The following SLC16A2 variants were observed in gnomAD, a reference collection of about 807,000 sequenced individuals.
SLC16A2 encodes the protein solute carrier family 16 member 2, also known as monocarboxylate transporter 8.
In SLC16A2, 3 loss-of-function variants were observed where a neutral mutation model predicts 27.2. The ratio of observed to expected loss-of-function variants is 0.11; its 90% CI spans 0.05 to 0.28. The LOEUF (loss-of-function observed/expected upper bound fraction) is 0.28, where lower values mean the gene tolerates loss of function less well. Among genes scored for constraint, SLC16A2 ranks in the 10% least tolerant of loss-of-function variants. The pLI, the probability that SLC16A2 is intolerant of heterozygous loss-of-function variation, is 1.00. For missense variants in SLC16A2, 295 were observed against 458.5 expected (o/e 0.64, Z 3.26); for synonymous variants, 202 against 187.8 (o/e 1.08, Z -0.62).
At chrX:74,453,192 G>A (rs983548587) in intron 1 of SLC16A2, among the ~76,000 whole-genome samples, 1 of 109,504 alleles carries the variant, frequency 9.1e-6, no homozygotes, top group African/African-American at 3.3e-5. Flanking sequence ...CAGGTGCCAC[G>A]CCTGGCTAAT....
At chrX:74,493,561 AG>A (rs761667392) in intron 1 of SLC16A2, among the ~76,000 whole-genome samples, 154 of 112,462 alleles carry the variant, frequency 1.4e-3, no homozygotes, top group African/African-American at 4.8e-3. Context: ...CCACCTAAGA[AG>A]AACCCTGCCC....
chrX:74,477,957 T>C (rs1209111273), intron 1 of SLC16A2, among the ~76,000 whole-genome samples: 1 of 112,141 alleles, frequency 8.9e-6, no homozygotes, highest in Non-Finnish European at 1.9e-5. Context: ...AAAGAACGCA[T>C]ATTCTGTTGA....
At chrX:74,439,355 G>A (rs756230878) in intron 1 of SLC16A2, among the ~76,000 whole-genome samples, 1 of 98,718 alleles carries the variant, frequency 1.0e-5, no homozygotes, top group African/African-American at 3.8e-5. Flanking sequence ...TGTTGCCCAG[G>A]CTGGAGTGCA....
At position 74,529,162 on chromosome X, in the gene SLC16A2, T is replaced by C. The variant is rs1438700040; in HGVS notation, c.1171-51T>C. 4.6e-6 allele frequency: 4 copies of C among 870,993 alleles called. No individual in the cohort carries two copies. In the African/African-American group the frequency reaches 7.9e-5, roughly 17 times the overall value. 71.8% of individuals were successfully genotyped at this position (870,993 alleles called of 1,213,427 possible). On this transcript the variant is annotated intron_variant, in intron 4 of 5. Coordinates refer to ENST00000587091, the MANE Select transcript of SLC16A2 (RefSeq NM_006517.5). ...ACTTGAGAAAGGAGATGTGATGCTA[T>C]GTGGTCTTGGCTGGCCAGCACAACC...
intron 1 of SLC16A2, among the ~76,000 whole-genome samples, chrX:74,509,109 C>T (rs1005952806): frequency 1.8e-5 from 2 of 110,736 alleles, no homozygotes; most frequent in South Asian, 3.9e-4. Context: ...ACTCCAGGTG[C>T]GTGCCACCAG....
At chrX:74,509,856 C>G (rs1008463130) in intron 1 of SLC16A2, among the ~76,000 whole-genome samples, 2 of 112,466 alleles carry the variant, frequency 1.8e-5, no homozygotes, top group Non-Finnish European at 3.8e-5. Context: ...CGTGGGCCAC[C>G]GCTCCCAGCC....
intron 1 of SLC16A2, among the ~76,000 whole-genome samples, chrX:74,449,411 C>G (rs1252456549): frequency 8.9e-6 from 1 of 112,212 alleles, no homozygotes; most frequent in African/African-American, 3.2e-5. Context: ...CTTGAGTCCA[C>G]TCTTGGAAAA....
chrX:74,484,748 C>A (rs1042376065), intron 1 of SLC16A2, among the ~76,000 whole-genome samples: 5 of 111,903 alleles, frequency 4.5e-5, no homozygotes, highest in African/African-American at 1.6e-4. Context: ...GCCAGCAAAT[C>A]TTTATTTTGT....
At chrX:74,511,343 G>A (rs950676140) in intron 1 of SLC16A2, among the ~76,000 whole-genome samples, 21 of 110,459 alleles carry the variant, frequency 1.9e-4, no homozygotes, top group African/African-American at 6.2e-4. Context: ...CACCGTGCCC[G>A]GCTAATTTTT....
chrX:74,465,189 T>C (rs1381482227), intron 1 of SLC16A2, among the ~76,000 whole-genome samples: 1 of 112,404 alleles, frequency 8.9e-6, no homozygotes, highest in Non-Finnish European at 1.9e-5. Flanking sequence ...TTCACTCTTA[T>C]TTTATTTTAC....
intron 1 of SLC16A2, among the ~76,000 whole-genome samples, chrX:74,438,386 T>C (rs1213518116): frequency 8.8e-6 from 1 of 113,287 alleles, no homozygotes; most frequent in African/African-American, 3.2e-5. Flanking sequence ...AGTTTATCTA[T>C]AGACTTGCAC....
intron 1 of SLC16A2, 117 bp downstream of exon 1, chrX:74,422,184 C>T (rs1355243174): frequency 1.5e-5 from 10 of 689,255 alleles, no homozygotes; most frequent in Non-Finnish European, 2.3e-5. Flanking sequence ...CCGACTCCTC[C>T]CCTTACCCCT....
intron 1 of SLC16A2, among the ~76,000 whole-genome samples, chrX:74,443,861 C>T (rs1043694750): frequency 9.0e-6 from 1 of 111,377 alleles, no homozygotes; most frequent in East Asian, 2.9e-4. Flanking sequence ...CTTCCCTGCC[C>T]GCCCCATCAT....
At chrX:74,438,113 C>T (rs1222064255) in intron 1 of SLC16A2, among the ~76,000 whole-genome samples, 1 of 112,418 alleles carries the variant, frequency 8.9e-6, no homozygotes, top group Non-Finnish European at 1.9e-5. Context: ...CTCTCCTTTG[C>T]CTCACTTTTC....
chrX:74,469,026 T>G (rs1450436636), intron 1 of SLC16A2, among the ~76,000 whole-genome samples: 3 of 111,685 alleles, frequency 2.7e-5, no homozygotes, highest in Non-Finnish European at 5.7e-5. Flanking sequence ...CCCTTTACCT[T>G]CATGAGACCA....
At chrX:74,461,429 T>TGC (rs1491024195) in intron 1 of SLC16A2, among the ~76,000 whole-genome samples, 1 of 108,880 alleles carries the variant, frequency 9.2e-6, no homozygotes, top group African/African-American at 3.4e-5. Context: ...TGTGTGTGTG[T>TGC]GCACGCGTGC....
At chrX:74,456,322 T>C (rs1226495634) in intron 1 of SLC16A2, among the ~76,000 whole-genome samples, 3 of 111,193 alleles carry the variant, frequency 2.7e-5, no homozygotes, top group Non-Finnish European at 5.7e-5. Context: ...GCTTGGAAAA[T>C]GGTGAATTGA....
intron 1 of SLC16A2, among the ~76,000 whole-genome samples, chrX:74,504,390 A>G (rs920770729): frequency 1.8e-5 from 2 of 109,953 alleles, no homozygotes; most frequent in African/African-American, 6.6e-5. Flanking sequence ...CTGCTACTCT[A>G]CCACTCCCAC....
chrX:74,500,813 G>A (rs1264145915), intron 1 of SLC16A2, among the ~76,000 whole-genome samples: 5 of 111,021 alleles, frequency 4.5e-5, no homozygotes, highest in East Asian at 2.8e-4. Context: ...TACAGCAATC[G>A]ATTGCAGAAC....
Sources: gnomAD v4.1 joint callset for allele counts (sites outside exome capture counted in the v4.1 genomes callset) on GRCh38, gnomAD v4.1.1 for gene constraint, MANE v1.5 for transcripts, NCBI Gene and HGNC (gene_info 2026-07-23, HGNC 2026-07-21) for gene names.